Variants in CSMD1 observed in about 807,000 individuals in gnomAD.
The protein encoded by CSMD1 is CUB and Sushi multiple domains 1.
CSMD1 carries 213 observed loss-of-function variants against 417.5 expected under a neutral mutation model. The observed-to-expected ratio is 0.51, with a 90% confidence interval of 0.46 to 0.57. CSMD1 has a LOEUF of 0.57. CSMD1 is among the 20% of genes least tolerant of loss of function. The pLI is 0.00. For synonymous variants in CSMD1, 2,862 were observed against 1,736.8 expected (o/e 1.65, Z -16.11); for missense variants, 6,923 against 4,529.7 (o/e 1.53, Z -15.17).
At position 3,007,646 on chromosome 8, in the gene CSMD1, T is replaced by A. The variant is rs868861901; in HGVS notation, c.8030-7515A>T. Among the ~76,000 whole-genome samples the A allele has an allele frequency of 9.2e-5, 14 of 151,452 alleles. No individual in the cohort carries two copies. The Middle Eastern group carries it at 0.01, about 110-fold the overall frequency. On this transcript the variant is annotated intron_variant, in intron 52 of 69. Coordinates refer to ENST00000635120, the MANE Select transcript of CSMD1 (RefSeq NM_033225.6). ...GGGACATGGATGAAATTGGAAATCA[T>A]CATTCTCAGTAAACTATCGCAAGAA...
At chr8:3,964,848 G>C (rs992858322) in intron 5 of CSMD1, among the ~76,000 whole-genome samples, 1 of 152,126 alleles carries the variant, frequency 6.6e-6, no homozygotes, top group African/African-American at 2.4e-5. Flanking sequence ...ACTTAGTGGG[G>C]TTTCCACTTT....
chr8:4,391,062 G>C (rs1342695805), intron 3 of CSMD1, among the ~76,000 whole-genome samples: 1 of 152,176 alleles, frequency 6.6e-6, no homozygotes, highest in Non-Finnish European at 1.5e-5. Context: ...CAGAGCACTA[G>C]GGTCGTTGTC....
chr8:3,319,420 AAC>A (rs1286332293), intron 23 of CSMD1, among the ~76,000 whole-genome samples: 2 of 152,220 alleles, frequency 1.3e-5, no homozygotes, highest in South Asian at 2.1e-4. Flanking sequence ...CATAATTGAA[AAC>A]AGAGTTTGAT....
intron 3 of CSMD1, among the ~76,000 whole-genome samples, chr8:4,367,847 C>T (rs142969797): frequency 1.4e-3 from 219 of 152,126 alleles, no homozygotes; most frequent in Middle Eastern, 3.4e-3. Flanking sequence ...GTTCTTAATT[C>T]GGCTTTGAGC....
chr8:4,373,151 G>T (rs531379601), intron 3 of CSMD1, among the ~76,000 whole-genome samples: 1 of 152,240 alleles, frequency 6.6e-6, no homozygotes, highest in African/African-American at 2.4e-5. Flanking sequence ...CCCTAGGGAG[G>T]AGCAACCCAT....
chr8:3,110,438 T>C, intron 42 of CSMD1, 103 bp from the exon 43 acceptor site: 1 of 943,880 alleles, frequency 1.1e-6, no homozygotes, highest in South Asian at 2.2e-5. Context: ...TTTTTCCTGA[T>C]GGGAAATAGG....
intron 2 of CSMD1, among the ~76,000 whole-genome samples, chr8:4,520,511 A>G (rs987761319): frequency 6.6e-6 from 1 of 152,156 alleles, no homozygotes; most frequent in Admixed American, 6.5e-5. Context: ...AAAGCAGAGA[A>G]AGACATCCCG....
chr8:4,710,951 G>T lies in CSMD1; in HGVS notation c.86-73393C>A, dbSNP rs931971912. On this transcript the variant is annotated intron_variant, in intron 1 of 69. Coordinates refer to ENST00000635120, the MANE Select transcript of CSMD1 (RefSeq NM_033225.6). Reference sequence around the variant, plus strand: ...ACATAAAAGGACCATGCCCTATCCTGAGACAAATGATGGTGCTCTTGGATG... The same window carrying T: ...ACATAAAAGGACCATGCCCTATCCTTAGACAAATGATGGTGCTCTTGGATG... 2.0e-4 allele frequency among the ~76,000 whole-genome samples: 31 copies of T among 152,048 alleles called. 1 individual carries two copies. Among genetic ancestry groups the T allele is most frequent in the Non-Finnish European group, 7.4e-5 (5 of 68,018 alleles).
chr8:4,098,711 A>G (rs17404336), intron 3 of CSMD1, among the ~76,000 whole-genome samples: 14,834 of 152,208 alleles, frequency 0.097, 818 homozygotes, highest in Middle Eastern at 0.19. Context: ...CACCTACTCT[A>G]GGTTTATTTC....
chr8:4,094,506 T>G (rs1412248624), intron 3 of CSMD1, among the ~76,000 whole-genome samples: 2 of 152,042 alleles, frequency 1.3e-5, no homozygotes, highest in Non-Finnish European at 2.9e-5. Context: ...CCACGCAGGG[T>G]GGAGGAATCT....
chr8:3,193,296 T>C (rs1379025732), intron 33 of CSMD1, among the ~76,000 whole-genome samples: 1 of 152,032 alleles, frequency 6.6e-6, no homozygotes, highest in Non-Finnish European at 1.5e-5. Context: ...TCAAGGAAAA[T>C]GACAATAAAT....
At chr8:3,440,897 G>A (rs543664103) in intron 12 of CSMD1, among the ~76,000 whole-genome samples, 8 of 152,150 alleles carry the variant, frequency 5.3e-5, no homozygotes, top group Non-Finnish European at 8.8e-5. Context: ...GGTGGCCCCC[G>A]ATAACGACAT....
rs552747555 is a variant in CSMD1, at chr8:4,410,458, A to G, written c.415+9495T>C. Among the ~76,000 whole-genome samples, 13 of 152,310 alleles carry G rather than the reference A, an allele frequency of 8.5e-5. No individual in the cohort carries two copies. In the South Asian group the frequency reaches 2.5e-3, roughly 29 times the overall value. On this transcript the variant is annotated intron_variant, in intron 3 of 69. Transcript: ENST00000635120. ...CTAGCGTCCAGATAGTATATAGCCA[A>G]TATTTGATGGTGTTTAAATAGAAAG...
In CSMD1 at chr8:4,397,835, T is replaced by C. The variant is rs1367321; in HGVS notation, c.415+22118A>G. Among the ~76,000 whole-genome samples the C allele has an allele frequency of 1.9e-3, 291 of 152,206 alleles. 2 individuals are homozygous for C. Among genetic ancestry groups the C allele is most frequent in the African/African-American group, 6.8e-3 (284 of 41,530 alleles). ...TACAATATTTATAATCGGAAAATAA[T>C]GTAATGTCAGGATACATCTTTCTAA... is the stretch of plus-strand genomic sequence containing the variant. On this transcript the variant is annotated intron_variant, in intron 3 of 69. Coordinates refer to ENST00000635120, the MANE Select transcript of CSMD1 (RefSeq NM_033225.6).
At chr8:4,811,595 TA>T (rs1348771414) in intron 1 of CSMD1, among the ~76,000 whole-genome samples, 3 of 152,266 alleles carry the variant, frequency 2.0e-5, no homozygotes, top group African/African-American at 7.2e-5. Context: ...TGGCAATAAT[TA>T]AAATGTCTTA....
chr8:4,000,573 G>A lies in CSMD1; in HGVS notation c.611-2463C>T, dbSNP rs115023766. Among the ~76,000 whole-genome samples, 300 of 152,248 alleles carry A rather than the reference G, an allele frequency of 2.0e-3. 1 individual carries two copies. The highest frequency in any genetic ancestry group is 2.6e-3 in the Non-Finnish European group (177 of 68,024). On this transcript the variant is annotated intron_variant, in intron 4 of 69. Transcript: ENST00000635120. ...CAACTAAAAGTGACTCATACTCTAC[G>A]TTGTTTTTCTTTAAACGCAAATATA...
In CSMD1 at chr8:3,583,582, T is replaced by C. The variant is rs11994822; in HGVS notation, c.1222+2554A>G. Among the ~76,000 whole-genome samples, 900 of 152,090 alleles carry C rather than the reference T, an allele frequency of 5.9e-3. 6 individuals are homozygous for C. The highest frequency in any genetic ancestry group is 0.02 in the African/African-American group (847 of 41,488). ...GCCATGTGTCCAAGAGGCCACTTGATTTCTTCTTGCTGCTGATACTAAAAC... is the reference window on the plus strand; with the variant it reads ...GCCATGTGTCCAAGAGGCCACTTGACTTCTTCTTGCTGCTGATACTAAAAC... On this transcript the variant is annotated intron_variant, in intron 9 of 69. Coordinates refer to ENST00000635120, the MANE Select transcript of CSMD1 (RefSeq NM_033225.6).
intron 10 of CSMD1, among the ~76,000 whole-genome samples, chr8:3,568,984 T>C (rs1799833894): frequency 6.6e-6 from 1 of 152,190 alleles, no homozygotes; most frequent in Admixed American, 6.5e-5. Context: ...TTTTCAAGAA[T>C]TCTGATTGCA....
intron 3 of CSMD1, among the ~76,000 whole-genome samples, chr8:4,137,184 C>T (rs1803491939): frequency 6.6e-6 from 1 of 152,182 alleles, no homozygotes; most frequent in African/African-American, 2.4e-5. Context: ...TACCTAATAG[C>T]ATTAGCCTCA....
Sources: allele counts gnomAD v4.1 joint callset (sites outside exome capture counted in the v4.1 genomes callset), GRCh38; gene constraint gnomAD v4.1.1; transcripts MANE v1.5; gene names NCBI Gene and HGNC (gene_info 2026-07-23, HGNC 2026-07-21).